The following SNX14 variants were observed in gnomAD, a reference collection of about 807,000 sequenced individuals.
SNX14 encodes sorting nexin 14, also known as sorting nexin-14.
In SNX14, 93 loss-of-function variants were observed where a neutral mutation model predicts 133.8. The observed-to-expected ratio is 0.70, with a 90% CI of 0.59 to 0.83. The LOEUF is 0.83. Ranked by LOEUF, SNX14 falls within the 40% of genes least tolerant of loss-of-function variation. The probability of loss-of-function intolerance (pLI) is 0.00; values close to 1 mark genes in which losing one functional copy is unlikely to be tolerated. For missense variants in SNX14, 945 were observed against 1,094.9 expected (o/e 0.86, Z 1.93); for synonymous variants, 368 against 365.6 (o/e 1.01, Z -0.07).
chr6:85,517,932 A>C, intron 22 of SNX14, 57 bp from the exon 23 acceptor site: 2 of 1,578,892 alleles, frequency 1.3e-6, no homozygotes, highest in African/African-American at 2.7e-5. Context: ...TTAGTACATA[A>C]TCCAGCAAAA....
At chr6:85,506,210 T>G (rs562396332) in intron 28 of SNX14, among the ~76,000 whole-genome samples, 49 of 152,288 alleles carry the variant, frequency 3.2e-4, no homozygotes, top group African/African-American at 1.2e-3. Context: ...TTATGAAGTC[T>G]CAAACAGAGC....
At chr6:85,568,296 A>T (rs781256838) in intron 4 of SNX14, 1 of 152,208 alleles carries the variant, frequency 6.6e-6, no homozygotes, top group Non-Finnish European at 1.5e-5. Flanking sequence ...GTATTTTCAG[A>T]ATACAGTGAA....
chr6:85,578,666 C>T (rs1798067984), intron 1 of SNX14, among the ~76,000 whole-genome samples: 1 of 152,202 alleles, frequency 6.6e-6, no homozygotes, highest in South Asian at 2.1e-4. Flanking sequence ...ACCAAGCTAT[C>T]TGTCTAAGCT....
At chr6:85,521,361 A>G (rs950229624) in intron 21 of SNX14, among the ~76,000 whole-genome samples, 3 of 152,100 alleles carry the variant, frequency 2.0e-5, no homozygotes, top group Admixed American at 2.0e-4. Context: ...CAGCTTCTGG[A>G]ACAACCAGGA....
intron 6 of SNX14, among the ~76,000 whole-genome samples, chr6:85,562,553 G>C (rs1329270184): frequency 6.9e-6 from 1 of 144,444 alleles, no homozygotes; most frequent in African/African-American, 2.6e-5. Context: ...AAATTATACT[G>C]CAATAAATCT....
At chr6:85,534,335 T>C (rs1781179839) in intron 17 of SNX14, among the ~76,000 whole-genome samples, 1 of 152,192 alleles carries the variant, frequency 6.6e-6, no homozygotes, top group Non-Finnish European at 1.5e-5. Context: ...CAATTTAGGA[T>C]CACTCGGCAG....
At chr6:85,568,576 T>C (rs998815949) in intron 4 of SNX14, 1 of 152,124 alleles carries the variant, frequency 6.6e-6, no homozygotes, top group South Asian at 2.1e-4. Context: ...ATTTCTTGGA[T>C]TTGGGTGTCG....
intron 21 of SNX14, among the ~76,000 whole-genome samples, chr6:85,519,415 A>G (rs974535808): frequency 2.6e-5 from 4 of 152,182 alleles, no homozygotes; most frequent in African/African-American, 9.7e-5. Context: ...GGAAAGATCA[A>G]TTGAGGAGTT....
intron 7 of SNX14, among the ~76,000 whole-genome samples, chr6:85,552,700 G>A (rs905949925): frequency 6.6e-6 from 1 of 152,120 alleles, no homozygotes; most frequent in African/African-American, 2.4e-5. Context: ...TCAGAAACCT[G>A]GACCCCCATT....
Position 85,505,753 on chromosome 6 carries a change from T to C in SNX14, c.*214A>G. 1.9e-6 allele frequency: 1 copy of C among 523,530 alleles called. No homozygotes were observed. The highest frequency in any genetic ancestry group is 2.5e-5 in the South Asian group (1 of 40,128). 32.4% of individuals were successfully genotyped at this position (523,530 alleles called of 1,614,324 possible). ...CAATAACAAGTGACTTATGTTCTAATAAAATTTGGATCACAGCTAGCAAAT... is the reference window on the plus strand; with the variant it reads ...CAATAACAAGTGACTTATGTTCTAACAAAATTTGGATCACAGCTAGCAAAT... On this transcript the variant is annotated 3_prime_UTR_variant, in exon 29 of 29. Transcript: ENST00000314673.
chr6:85,548,269 G>C (rs749656997), intron 9 of SNX14, 32 bp downstream of exon 9: 1 of 1,471,546 alleles, frequency 6.8e-7, no homozygotes, highest in Non-Finnish European at 9.4e-7. Context: ...AGTGTAATTT[G>C]TAACAATTTA....
chr6:85,516,873 AGTGATCC>A, intron 23 of SNX14, among the ~76,000 whole-genome samples: 1 of 152,200 alleles, frequency 6.6e-6, no homozygotes, highest in Non-Finnish European at 1.5e-5. Context: ...CCTGACCTCA[AGTGATCC>A]ATCCACCTTG....
chr6:85,582,242 A>C (rs1222792357), intron 1 of SNX14, among the ~76,000 whole-genome samples: 2 of 152,314 alleles, frequency 1.3e-5, no homozygotes, highest in East Asian at 3.9e-4. Flanking sequence ...CTTTCACCCT[A>C]GAGTAGTATA....
chr6:85,590,700 T>C (rs1802503973), intron 1 of SNX14, among the ~76,000 whole-genome samples: 1 of 152,238 alleles, frequency 6.6e-6, no homozygotes, highest in Non-Finnish European at 1.5e-5. Context: ...TGACTTCACT[T>C]GTTTTTGAAT....
chr6:85,570,675 A>C (rs532284259), intron 4 of SNX14, among the ~76,000 whole-genome samples: 171 of 152,094 alleles, frequency 1.1e-3, no homozygotes, highest in African/African-American at 4.0e-3. Flanking sequence ...CAATATGGTG[A>C]AACCCTGTCT....
chr6:85,522,368 C>T (rs1005180444), intron 21 of SNX14, among the ~76,000 whole-genome samples: 1 of 152,118 alleles, frequency 6.6e-6, no homozygotes, highest in Non-Finnish European at 1.5e-5. Context: ...TGGTCCTATG[C>T]GTGTTTATAT....
chr6:85,548,489 G>A, intron 8 of SNX14, 113 bp from the exon 9 acceptor site: 1 of 771,156 alleles, frequency 1.3e-6, no homozygotes, highest in Non-Finnish European at 2.0e-6. Context: ...CTATAATTCA[G>A]TAGGTCTTGG....
chr6:85,542,626 C>A (rs1386636547), intron 14 of SNX14, among the ~76,000 whole-genome samples: 3 of 152,088 alleles, frequency 2.0e-5, no homozygotes, highest in African/African-American at 7.2e-5. Flanking sequence ...GATCTCCTGA[C>A]CTTGTGATCC....
Position 85,505,896 on chromosome 6 carries a change from A to C in SNX14, c.*71T>G. 1 of 1,096,956 alleles carries C rather than the reference A, an allele frequency of 9.1e-7. No homozygotes were observed. The highest frequency in any genetic ancestry group is 1.3e-5 in the South Asian group (1 of 77,964). The allele number at this position is 1,096,956 out of a possible 1,614,324, so 68.0% of individuals were successfully genotyped here. ...ACATAATATATATAAGAATATACCCAAAAAAGTAAATTTCTACCACCCTCG... is the reference window on the plus strand; with the variant it reads ...ACATAATATATATAAGAATATACCCCAAAAAGTAAATTTCTACCACCCTCG... On this transcript the variant is annotated 3_prime_UTR_variant, in exon 29 of 29. Coordinates refer to ENST00000314673, the MANE Select transcript of SNX14 (RefSeq NM_153816.6).
Sources: gnomAD v4.1 joint callset for allele counts (sites outside exome capture counted in the v4.1 genomes callset) on GRCh38, gnomAD v4.1.1 for gene constraint, MANE v1.5 for transcripts, NCBI Gene and HGNC (gene_info 2026-07-23, HGNC 2026-07-21) for gene names.